The following SEMA3F variants were observed in gnomAD, a reference collection of about 807,000 sequenced individuals.
SEMA3F encodes the protein semaphorin 3F.
A neutral mutation model predicts 98.5 loss-of-function variants in SEMA3F; 30 were observed. That is an observed-to-expected ratio of 0.30 (90% CI 0.23 to 0.41). The LOEUF (loss-of-function observed/expected upper bound fraction) is 0.41, where lower values mean the gene tolerates loss of function less well. Among genes scored for constraint, SEMA3F ranks in the 10% least tolerant of loss-of-function variants. The pLI, the probability that SEMA3F is intolerant of heterozygous loss-of-function variation, is 1.00. For missense variants in SEMA3F, 866 were observed against 1,119.3 expected (o/e 0.77, Z 3.23); for synonymous variants, 380 against 444.8 (o/e 0.85, Z 1.83).
rs59949761 is a variant in SEMA3F at position 50,188,174 on chromosome 3, GATATATAT to G, written c.*77_*84del. 5.3e-5 allele frequency: 16 copies of G among 299,250 alleles called. No homozygotes were observed. The South Asian group carries it at 6.6e-4, about 12-fold the overall frequency. The allele number at this position is 299,250 out of a possible 1,614,324, so 18.5% of individuals were successfully genotyped here. On this transcript the variant is annotated 3_prime_UTR_variant, in exon 19 of 19. Coordinates refer to ENST00000002829, the MANE Select transcript of SEMA3F (RefSeq NM_004186.5). This position sits in a 1 kb window ranked among gnomAD's most constrained non-coding sequence, Gnocchi z 4.5. The stretch of plus-strand genomic sequence containing the variant: ...AGCCCTTGTCCCTTTTAATATAAAA[GATATATAT>G]ATATATATATATATATAAAATATCT...
intron 1 of SEMA3F, chr3:50,159,264 C>T: frequency 4.7e-6 from 1 of 211,974 alleles, no homozygotes; most frequent in Non-Finnish European, 9.2e-6. Context: ...ATGCTGGGAG[C>T]TGGAAAGAGC....
At chr3:50,177,666 A>G (rs1698863827) in intron 7 of SEMA3F, among the ~76,000 whole-genome samples, 1 of 152,226 alleles carries the variant, frequency 6.6e-6, no homozygotes, top group Admixed American at 6.5e-5. Context: ...GTGGTATGTT[A>G]GAGGCAAGTA....
rs923040137 is a variant in SEMA3F at position 50,155,458 on chromosome 3, G to A, written c.-155G>A. On this transcript the variant is annotated 5_prime_UTR_variant, in exon 1 of 19. Coordinates refer to ENST00000002829, the MANE Select transcript of SEMA3F (RefSeq NM_004186.5). The surrounding 1 kb of genome is among the most constrained non-coding windows in gnomAD (Gnocchi z 4.9). ...CTGAGGCGCAGCGGCGAGAGGTCGCGGGCAGGGCCATGGCCCCGGGGGGCC... is the reference window on the plus strand; with the variant it reads ...CTGAGGCGCAGCGGCGAGAGGTCGCAGGCAGGGCCATGGCCCCGGGGGGCC... 13 of 295,092 alleles carry A rather than the reference G, an allele frequency of 4.4e-5. 1 individual carries two copies. Among genetic ancestry groups the A allele is most frequent in the Admixed American group, 3.6e-4 (7 of 19,230 alleles). 18.3% of individuals were successfully genotyped at this position (295,092 alleles called of 1,614,324 possible).
At chr3:50,163,838 G>A (rs1261551663) in intron 2 of SEMA3F, among the ~76,000 whole-genome samples, 2 of 152,200 alleles carry the variant, frequency 1.3e-5, no homozygotes, top group African/African-American at 2.4e-5. Context: ...AAGCCAGGGA[G>A]GGTAGGTGTT....
rs564359081 is a variant in SEMA3F at position 50,182,655 on chromosome 3, A to C, written c.775A>C (p.Ile259Leu). The C allele has an allele frequency of 6.2e-7, 1 of 1,612,560 alleles. No homozygotes were observed. Among genetic ancestry groups the C allele is most frequent in the African/African-American group, 1.3e-5 (1 of 75,050 alleles). Residue 259 changes from isoleucine to leucine, a missense_variant, in exon 9 of 19, where the codon ATC (isoleucine) becomes CTC (leucine). Around this residue, in one of 3 missense-constraint regions of SEMA3F, gnomAD observed 374 missense variants for 582.8 expected, o/e 0.64. Coordinates refer to ENST00000002829, the MANE Select transcript of SEMA3F (RefSeq NM_004186.5). The surrounding 1 kb of genome is among the most constrained non-coding windows in gnomAD (Gnocchi z 4.5). ...NSRWLNDPSF[I>L]HAELIPDSAE... ...CCTGCCACCTGCAGACCCGTCGTTC[A>C]TCCATGCTGAGCTCATTCCTGACAG...
At chr3:50,181,117 A>C (rs1410684608) in intron 7 of SEMA3F, among the ~76,000 whole-genome samples, 1 of 152,010 alleles carries the variant, frequency 6.6e-6, no homozygotes, top group Non-Finnish European at 1.5e-5. Flanking sequence ...ACACAGAGAC[A>C]CAAAGTAAGC....
At chr3:50,161,432 A>G (rs1698202982) in intron 2 of SEMA3F, among the ~76,000 whole-genome samples, 1 of 152,340 alleles carries the variant, frequency 6.6e-6, no homozygotes, top group South Asian at 2.1e-4. Context: ...CGGCGCCCAC[A>G]TCGCGTCAGG....
intron 6 of SEMA3F, 124 bp from the exon 7 acceptor site, chr3:50,176,644 G>A: frequency 1.4e-6 from 1 of 709,910 alleles, no homozygotes; most frequent in East Asian, 2.5e-5. Context: ...GAATGCTGGG[G>A]AGTGTAGGGG....
rs1443035290 is a variant in SEMA3F, at chr3:50,166,491, C to T, written c.112+6757C>T. On this transcript the variant is annotated intron_variant, in intron 2 of 18. Coordinates refer to ENST00000002829, the MANE Select transcript of SEMA3F (RefSeq NM_004186.5). The surrounding 1 kb of genome is among the most constrained non-coding windows in gnomAD (Gnocchi z 4.7). ...GCCTGTGCGGAGTGCTCACTGCCTG[C>T]CCTTGACTGGCTACCTGCTGAGTCC... 6.6e-6 allele frequency among the ~76,000 whole-genome samples: 1 copy of T among 152,212 alleles called. No homozygotes were observed. The highest frequency in any genetic ancestry group is 2.4e-5 in the African/African-American group (1 of 41,464).
chr3:50,187,596 A>T (rs11711407), intron 18 of SEMA3F, 109 bp from the exon 19 acceptor site: 2 of 808,082 alleles, frequency 2.5e-6, no homozygotes, highest in Non-Finnish European at 3.7e-6. Context: ...TGGAAATCCC[A>T]CATGGGTGCC....
Position 50,185,476 on chromosome 3 carries a change from C to T in SEMA3F, c.1490C>T (p.Pro497Leu), listed in dbSNP as rs771726075. Residue 497 changes from proline to leucine, a missense_variant, in exon 14 of 19, where the codon CCC (proline) becomes CTC (leucine). This residue lies in a region of SEMA3F where 374 missense variants were observed against 582.8 expected (regional missense o/e 0.64). Transcript: ENST00000002829. ...ACAGTGCAGAAGGTCATTGTGCTGC[C>T]CAAGGATGACCAGGAGTTGGAGGAG... ...RGTVQKVIVLPKDDQELEELM... is the reference protein window; with the variant it reads ...RGTVQKVIVLLKDDQELEELM... The T allele has an allele frequency of 3.7e-6, 6 of 1,613,840 alleles. No homozygotes were observed. The South Asian group carries it at 6.6e-5, about 18-fold the overall frequency.
At chr3:50,171,955 C>A (rs1299269482) in intron 2 of SEMA3F, among the ~76,000 whole-genome samples, 2 of 152,230 alleles carry the variant, frequency 1.3e-5, no homozygotes, top group Admixed American at 1.3e-4. Context: ...CCTTTCCTTA[C>A]CCACTAGTTT....
chr3:50,163,685 C>T (rs1053369487), intron 2 of SEMA3F, among the ~76,000 whole-genome samples: 1 of 152,170 alleles, frequency 6.6e-6, no homozygotes, highest in African/African-American at 2.4e-5. Flanking sequence ...CCCCCAGGGG[C>T]TCCTTGGCCA....
chr3:50,168,196 G>A (rs947261450), intron 2 of SEMA3F, among the ~76,000 whole-genome samples: 1 of 151,998 alleles, frequency 6.6e-6, no homozygotes, highest in Non-Finnish European at 1.5e-5. Flanking sequence ...GATGCTATGC[G>A]GGGGCAGATC....
intron 3 of SEMA3F, 49 bp from the exon 4 acceptor site, chr3:50,174,003 G>A (rs746237265): frequency 6.2e-7 from 1 of 1,613,968 alleles, no homozygotes; most frequent in East Asian, 2.2e-5. Flanking sequence ...GAGCCCCAGG[G>A]CTCAGGGCAT....
intron 7 of SEMA3F, among the ~76,000 whole-genome samples, chr3:50,180,010 C>T (rs192620459): frequency 5.3e-5 from 8 of 152,302 alleles, no homozygotes; most frequent in Non-Finnish European, 1.0e-4. Flanking sequence ...TGGAATAGCC[C>T]TTCTAATTTC....
At position 50,185,484 on chromosome 3, in the gene SEMA3F, G is replaced by T; in HGVS notation, c.1498G>T (p.Asp500Tyr). The T allele has an allele frequency of 1.9e-6, 3 of 1,613,728 alleles. No individual in the cohort carries two copies. The highest frequency in any genetic ancestry group is 1.1e-5 in the South Asian group (1 of 91,010). Residue 500 changes from aspartate (D) to tyrosine (Y), a missense_variant, in exon 14 of 19, where the codon GAC (aspartate) becomes TAC (tyrosine). By Grantham distance (160) the Asp-to-Tyr change is radical. Coordinates refer to ENST00000002829, the MANE Select transcript of SEMA3F (RefSeq NM_004186.5). ...VQKVIVLPKD[D>Y]QELEELMLEE... ...GAAGGTCATTGTGCTGCCCAAGGAT[G>T]ACCAGGAGTTGGAGGAGCTCATGCT... is the stretch of plus-strand genomic sequence containing the variant.
At chr3:50,180,115 T>TA (rs1371305585) in intron 7 of SEMA3F, among the ~76,000 whole-genome samples, 1 of 152,224 alleles carries the variant, frequency 6.6e-6, no homozygotes, top group African/African-American at 2.4e-5. Flanking sequence ...CTTTCCGTAC[T>TA]AAGCTTAATC....
intron 6 of SEMA3F, 49 bp downstream of exon 6, chr3:50,175,237 G>A (rs200502353): frequency 2.3e-5 from 31 of 1,336,610 alleles, no homozygotes; most frequent in South Asian, 6.2e-5. Context: ...GCCTCTGAGC[G>A]GAACTCACCC....
Sources: allele counts gnomAD v4.1 joint callset (sites outside exome capture counted in the v4.1 genomes callset), GRCh38; gene constraint gnomAD v4.1.1; regional missense constraint gnomAD v4.1.1; non-coding constraint Gnocchi (gnomAD v3.1); transcripts MANE v1.5; gene names NCBI Gene and HGNC (gene_info 2026-07-23, HGNC 2026-07-21).